ANAPC2: variants seen among roughly 807,000 people sequenced by gnomAD.
ANAPC2 encodes anaphase promoting complex subunit 2.
ANAPC2 carries 29 observed loss-of-function variants against 84.3 expected under a neutral mutation model. The ratio of observed to expected loss-of-function variants is 0.34; its 90% CI spans 0.26 to 0.47. The LOEUF (loss-of-function observed/expected upper bound fraction) is 0.47, where lower values mean the gene tolerates loss of function less well. Among genes scored for constraint, ANAPC2 ranks in the 20% least tolerant of loss-of-function variants. The probability of loss-of-function intolerance (pLI) is 1.00; values close to 1 mark genes in which losing one functional copy is unlikely to be tolerated. For synonymous variants in ANAPC2, 571 were observed against 479.4 expected (o/e 1.19, Z -2.50); for missense variants, 857 against 1,131.7 (o/e 0.76, Z 3.48).
At chr9:137,181,337 G>C (rs1834338524) in intron 7 of ANAPC2, among the ~76,000 whole-genome samples, 1 of 152,216 alleles carries the variant, frequency 6.6e-6, no homozygotes, top group African/African-American at 2.4e-5. Context: ...CACCCTAACG[G>C]GACTTTGAGG....
At chr9:137,179,053 C>A (rs947814179) in intron 10 of ANAPC2, among the ~76,000 whole-genome samples, 2 of 152,158 alleles carry the variant, frequency 1.3e-5, no homozygotes, top group African/African-American at 4.8e-5. Context: ...AGCTGTGGAC[C>A]CTCCCTTGAA....
Position 137,187,743 on chromosome 9 carries a change from C to T in ANAPC2, c.478G>A (p.Val160Ile), listed in dbSNP as rs551281442. ...GTTCTGGGGGTGCTAAAGAACAAGA[C>T]TCCGCGCAACATAGTGTGGACTTCT... ...REEVHTMLRGVLFFSTPRTFQ... is the reference protein window; with the variant it reads ...REEVHTMLRGILFFSTPRTFQ... The change falls in exon 2 of 13, where the codon GTC (valine) becomes ATC (isoleucine). Residue 160 changes from valine to isoleucine, a missense_variant. This residue lies in a region of ANAPC2 where 428 missense variants were observed against 513.8 expected (regional missense o/e 0.83). Coordinates refer to ENST00000323927, the MANE Select transcript of ANAPC2 (RefSeq NM_013366.4). 898 of 1,613,860 alleles carry T rather than the reference C, an allele frequency of 5.6e-4. 13 individuals are homozygous for T. In the South Asian group the frequency reaches 9.0e-3, roughly 16 times the overall value.
chr9:137,188,319 G>A (rs1834524464), intron 1 of ANAPC2, 97 bp downstream of exon 1: 1 of 1,384,978 alleles, frequency 7.2e-7, no homozygotes, highest in Admixed American at 2.3e-5. Context: ...AGAGGCGGAT[G>A]ATGGACAGAG....
At chr9:137,178,485 G>A (rs1489336962) in intron 10 of ANAPC2, among the ~76,000 whole-genome samples, 3 of 152,270 alleles carry the variant, frequency 2.0e-5, no homozygotes, top group South Asian at 2.1e-4. Flanking sequence ...GGACCCTGGA[G>A]GGAGGCCATT....
In ANAPC2 at chr9:137,175,059, C is replaced by T. The variant is rs1834177023; in HGVS notation, c.2352G>A (p.Gly784=). 6.2e-7 allele frequency: 1 copy of T among 1,606,550 alleles called. No individual in the cohort carries two copies. Among genetic ancestry groups the T allele is most frequent in the East Asian group, 2.2e-5 (1 of 44,590 alleles). The part of the protein sequence containing the change: ...YNMLRMFVVT[G]PALAEIDLQE... Reference sequence around the variant, plus strand: ...GCAGGTCAATCTCGGCCAGTGCAGGCCCAGTCACCACAAACATGCGGAGCA... The same window carrying T: ...GCAGGTCAATCTCGGCCAGTGCAGGTCCAGTCACCACAAACATGCGGAGCA... Residue 784 remains glycine (G), a synonymous_variant, in exon 13 of 13, where the codon GGG becomes GGA. Transcript: ENST00000323927.
In ANAPC2 at chr9:137,175,338, C is replaced by G; in HGVS notation, c.2155G>C (p.Glu719Gln). 1 of 1,612,572 alleles carries G rather than the reference C, an allele frequency of 6.2e-7. No individual in the cohort carries two copies. Among genetic ancestry groups the G allele is most frequent in the South Asian group, 1.1e-5 (1 of 91,050 alleles). Residue 719 changes from glutamate (E) to glutamine (Q), a missense_variant, in exon 12 of 13, where the codon GAG becomes CAG. Glu to Gln is a conservative substitution (Grantham distance 29). Transcript: ENST00000323927. Reference sequence around the variant, plus strand: ...ATGTTGTCCCGGTCCTGAGGCCGCTCCTCCTCAATGACAGAGAAGGTGCCG... The same window carrying G: ...ATGTTGTCCCGGTCCTGAGGCCGCTGCTCCTCAATGACAGAGAAGGTGCCG... ...PPGTFSVIEE[E>Q]RPQDRDNMVL...
chr9:137,184,142 A>C (rs1834403449), intron 4 of ANAPC2, among the ~76,000 whole-genome samples: 2 of 152,166 alleles, frequency 1.3e-5, no homozygotes, highest in Admixed American at 1.3e-4. Context: ...TGCCCGGTGC[A>C]CCCCCCTGCA....
Position 137,188,422 on chromosome 9 carries a change from C to T in ANAPC2, c.111G>A (p.Leu37=), listed in dbSNP as rs1458641977. 1.9e-6 allele frequency: 3 copies of T among 1,607,598 alleles called. No individual in the cohort carries two copies. The Admixed American group carries it at 5.0e-5, about 27-fold the overall frequency. Residue 37 remains leucine (L), a synonymous_variant, in exon 1 of 13, where the codon CTG becomes CTA. Transcript: ENST00000323927. ...CTCTCTTCCCAGGCCTCACCAGCCC[C>T]AGCGCAGCCGGCGGCACCAGGCCGG... ...VSTGLVPPAA[L]GLVSSRTSGA...
chr9:137,186,154 A>G, intron 3 of ANAPC2, 70 bp downstream of exon 3: 1 of 1,584,232 alleles, frequency 6.3e-7, no homozygotes, highest in Admixed American at 1.7e-5. Context: ...TTCTGAAGCC[A>G]GGTGTCAGGT....
chr9:137,188,347 T>A (rs1834525176), intron 1 of ANAPC2, 69 bp downstream of exon 1: 12 of 1,500,838 alleles, frequency 8.0e-6, no homozygotes, highest in Non-Finnish European at 1.1e-5. Flanking sequence ...AACCCGAGGG[T>A]AGCGGCCCCA....
intron 10 of ANAPC2, among the ~76,000 whole-genome samples, chr9:137,179,650 G>A (rs1051423963): frequency 5.9e-5 from 9 of 152,196 alleles, no homozygotes; most frequent in Non-Finnish European, 8.8e-5. Context: ...CCATAGCCCC[G>A]GTCCTCAAGT....
chr9:137,184,358 T>C (rs1402359025), intron 4 of ANAPC2, among the ~76,000 whole-genome samples: 45 of 107,056 alleles, frequency 4.2e-4, no homozygotes, highest in South Asian at 9.6e-4. Flanking sequence ...GAGCCCCAGA[T>C]GCAGACAAAG....
chr9:137,181,752 G>A lies in ANAPC2; in HGVS notation c.1397C>T (p.Thr466Ile), dbSNP rs758648523. The A allele has an allele frequency of 6.2e-7, 1 of 1,612,218 alleles. No homozygotes were observed. Reference sequence around the variant, plus strand: ...TGAGTCATCCTCACTGTCCTGGCCTGTCTCCAGGCTCGCCGGGTCGGTCTT... The same window carrying A: ...TGAGTCATCCTCACTGTCCTGGCCTATCTCCAGGCTCGCCGGGTCGGTCTT... ...LSKTDPASLE[T>I]GQDSEDDSGE... Residue 466 changes from threonine (T) to isoleucine (I), a missense_variant, in exon 7 of 13, where the codon ACA becomes ATA. Transcript: ENST00000323927.
At chr9:137,175,950 C>T (rs1286641131) in intron 10 of ANAPC2, 113 bp from the exon 11 acceptor site, 3 of 1,350,636 alleles carry the variant, frequency 2.2e-6, no homozygotes, top group Non-Finnish European at 3.0e-6. Context: ...TGCCCCACCC[C>T]ACCCTGGCAG....
intron 2 of ANAPC2, 124 bp from the exon 3 acceptor site, chr9:137,186,480 A>ACAC: frequency 7.7e-7 from 1 of 1,293,826 alleles, no homozygotes; most frequent in Non-Finnish European, 1.0e-6. Context: ...ACACACACCC[A>ACAC]GCACACACCT....
intron 11 of ANAPC2, 95 bp downstream of exon 11, chr9:137,175,613 A>G: frequency 6.6e-7 from 1 of 1,513,652 alleles, no homozygotes; most frequent in Non-Finnish European, 8.9e-7. Context: ...CTGCTGGCGC[A>G]GCTGCCCCAA....
At chr9:137,186,194 CG>C in intron 3 of ANAPC2, 29 bp downstream of exon 3, 1 of 1,606,828 alleles carries the variant, frequency 6.2e-7, no homozygotes, top group Admixed American at 1.7e-5. Context: ...CTGTCTCCAG[CG>C]GGGCACAGCC....
intron 10 of ANAPC2, among the ~76,000 whole-genome samples, chr9:137,177,476 T>C (rs1018996803): frequency 3.3e-5 from 5 of 152,058 alleles, no homozygotes; most frequent in Non-Finnish European, 5.9e-5. Context: ...TCTATTTACG[T>C]AGAGGAATGG....
intron 4 of ANAPC2, among the ~76,000 whole-genome samples, chr9:137,184,393 A>G: frequency 6.8e-6 from 1 of 146,658 alleles, no homozygotes; most frequent in South Asian, 2.2e-4. Context: ...AGGCACGGGG[A>G]GCCCAGACGC....
Sources: gnomAD v4.1 joint callset for allele counts (sites outside exome capture counted in the v4.1 genomes callset) on GRCh38, gnomAD v4.1.1 for gene constraint, gnomAD v4.1.1 regional missense constraint, MANE v1.5 for transcripts, NCBI Gene and HGNC (gene_info 2026-07-23, HGNC 2026-07-21) for gene names.